Variants in ASS1 observed in about 807,000 individuals in gnomAD.
The protein encoded by ASS1 is argininosuccinate synthase.
A neutral mutation model predicts 60.5 loss-of-function variants in ASS1; 58 were observed. The observed-to-expected ratio is 0.96, with a 90% confidence interval of 0.78 to 1.19. The LOEUF (loss-of-function observed/expected upper bound fraction) is 1.19, where lower values mean the gene tolerates loss of function less well. ASS1 is among the 50% of genes most tolerant of loss of function. The pLI is 0.00. For missense variants in ASS1, 454 were observed against 547.3 expected, an observed-to-expected ratio of 0.83 and a Z score of 1.70; for synonymous variants, 200 against 206.9, an observed-to-expected ratio of 0.97 and a Z score of 0.29.
intron 1 of ASS1, among the ~76,000 whole-genome samples, chr9:130,446,269 A>G (rs532269469): frequency 3.3e-5 from 5 of 152,296 alleles, no homozygotes; most frequent in East Asian, 1.9e-4. Flanking sequence ...CCTGGGTCCA[A>G]TTGCACAATA....
chr9:130,455,510 G>T (rs1281136626), intron 3 of ASS1, among the ~76,000 whole-genome samples: 1 of 152,078 alleles, frequency 6.6e-6, no homozygotes, highest in Non-Finnish European at 1.5e-5. Context: ...CCCCCTACCT[G>T]TCCTTCCCTC....
intron 13 of ASS1, among the ~76,000 whole-genome samples, chr9:130,495,444 C>CATATATAT (rs142565065): frequency 7.9e-5 from 11 of 139,744 alleles, no homozygotes; most frequent in African/African-American, 2.3e-4. Context: ...CACACACATA[C>CATATATAT]ATATATATAT....
At chr9:130,445,765 CTGT>C (rs997528002) in intron 1 of ASS1, among the ~76,000 whole-genome samples, 3 of 152,150 alleles carry the variant, frequency 2.0e-5, no homozygotes, top group African/African-American at 7.2e-5. Flanking sequence ...GCGGCCAGGG[CTGT>C]TCCTGAGGAG....
intron 1 of ASS1, among the ~76,000 whole-genome samples, chr9:130,446,580 C>T (rs777849666): frequency 2.0e-5 from 3 of 152,332 alleles, no homozygotes; most frequent in Non-Finnish European, 4.4e-5. Context: ...GCAGACACGT[C>T]GTGAGAGGGA....
Position 130,470,112 on chromosome 9 carries a change from ATCT to A in ASS1, c.496-716_496-714del, listed in dbSNP as rs200736070. ...GCGGGTCCCCAGGGCGACAAGCCTC[ATCT>A]TCTTCCTCCTCTTAAGGCTGAGTCA... On this transcript the variant is annotated intron_variant, in intron 6 of 14. Transcript: ENST00000352480. This position sits in a 1 kb window ranked among gnomAD's most constrained non-coding sequence, Gnocchi z 4.3. 9.7e-3 allele frequency among the ~76,000 whole-genome samples: 1,483 copies of A among 152,276 alleles called. 16 individuals carry two copies. Among genetic ancestry groups the A allele is most frequent in the African/African-American group, 0.033 (1,388 of 41,546 alleles).
intron 5 of ASS1, 131 bp from the exon 6 acceptor site, chr9:130,466,594 C>T (rs1845748546): frequency 1.2e-6 from 1 of 849,798 alleles, no homozygotes; most frequent in Admixed American, 2.0e-5. Context: ...ACCCTCACAA[C>T]AGCATCCTCT....
intron 12 of ASS1, among the ~76,000 whole-genome samples, chr9:130,493,259 C>A (rs1477861715): frequency 6.6e-6 from 1 of 152,212 alleles, no homozygotes; most frequent in Non-Finnish European, 1.5e-5. Flanking sequence ...CTGGGCCTCT[C>A]TCCCTGTGTA....
chr9:130,452,351 G>A lies in ASS1; in HGVS notation c.105+18G>A. 6.2e-7 allele frequency: 1 copy of A among 1,606,216 alleles called. No homozygotes were observed. Among genetic ancestry groups the A allele is most frequent in the Non-Finnish European group, 8.5e-7 (1 of 1,172,850 alleles). On this transcript the variant is annotated intron_variant, in intron 2 of 14. Transcript: ENST00000352480. The stretch of plus-strand genomic sequence containing the variant: ...CCTATCTGGTGAGGGAGCGACCTGG[G>A]TGTCTGTCTTCCTGCGTGTCCTGCA...
In ASS1 at chr9:130,459,098, T is replaced by C. The variant is rs562235982; in HGVS notation, c.363+509T>C. ...TTCCCAGGGCGAGGGTAACAAAATG[T>C]CTCAAACTGGTGGCTTAGAACACAG... On this transcript the variant is annotated intron_variant, in intron 4 of 14. Transcript: ENST00000352480. The surrounding 1 kb of genome is among the most constrained non-coding windows in gnomAD (Gnocchi z 4.6). Among the ~76,000 whole-genome samples the C allele has an allele frequency of 6.6e-6, 1 of 152,162 alleles. No individual in the cohort carries two copies. Among genetic ancestry groups the C allele is most frequent in the Admixed American group, 6.5e-5 (1 of 15,288 alleles).
At chr9:130,472,833 G>C (rs1356649709) in intron 8 of ASS1, among the ~76,000 whole-genome samples, 1 of 152,192 alleles carries the variant, frequency 6.6e-6, no homozygotes, top group Non-Finnish European at 1.5e-5. Context: ...TCTCAGGCCC[G>C]TGGGCCCCAA....
At chr9:130,466,293 A>G (rs1588482922) in intron 5 of ASS1, among the ~76,000 whole-genome samples, 1 of 152,244 alleles carries the variant, frequency 6.6e-6, no homozygotes, top group African/African-American at 2.4e-5. Context: ...GGTGGGGGGC[A>G]GCCTATGCCT....
Position 130,452,267 on chromosome 9 carries a change from C to A in ASS1, c.39C>A (p.Gly13=), listed in dbSNP as rs769672308. The change falls in exon 2 of 15, where the codon GGC becomes GGA. Residue 13 remains glycine (G), a synonymous_variant. Coordinates refer to ENST00000352480, the MANE Select transcript of ASS1 (RefSeq NM_054012.4). ...SKGSVVLAYS[G]GLDTSCILVW... ...GCTCCGTGGTTCTGGCCTACAGTGGCGGCCTGGACACCTCGTGCATCCTCG... is the reference window on the plus strand; with the variant it reads ...GCTCCGTGGTTCTGGCCTACAGTGGAGGCCTGGACACCTCGTGCATCCTCG... 1 of 1,614,174 alleles carries A rather than the reference C, an allele frequency of 6.2e-7. No individual in the cohort carries two copies. Among genetic ancestry groups the A allele is most frequent in the East Asian group, 2.2e-5 (1 of 44,876 alleles).
intron 2 of ASS1, among the ~76,000 whole-genome samples, chr9:130,453,782 C>A (rs1341844848): frequency 6.6e-6 from 1 of 152,162 alleles, no homozygotes; most frequent in Admixed American, 6.5e-5. Flanking sequence ...GGCTGTCAGA[C>A]CCCGAGGTCA....
In ASS1 at chr9:130,470,792, T is replaced by G. The variant is rs762220508; in HGVS notation, c.496-42T>G. On this transcript the variant is annotated intron_variant, in intron 6 of 14. Coordinates refer to ENST00000352480, the MANE Select transcript of ASS1 (RefSeq NM_054012.4). The surrounding 1 kb of genome is among the most constrained non-coding windows in gnomAD (Gnocchi z 4.3). ...CCCTGGGACGGACCTCACGCGTCCT[T>G]CCAGCCGCCTTACCTCCACCTGTGC... 6.2e-7 allele frequency: 1 copy of G among 1,601,472 alleles called. No individual in the cohort carries two copies. The highest frequency in any genetic ancestry group is 1.7e-5 in the Admixed American group (1 of 59,988).
At chr9:130,469,691 C>T (rs1935934250) in intron 6 of ASS1, among the ~76,000 whole-genome samples, 1 of 152,216 alleles carries the variant, frequency 6.6e-6, no homozygotes, top group Non-Finnish European at 1.5e-5. Flanking sequence ...TAAAATGAGT[C>T]TCCTGGCTTT....
chr9:130,494,734 C>A lies in ASS1; in HGVS notation c.971-133C>A. ...CAGCCACTGGCAAGCGCACATTGTGCCAGTCTCGCGGGAGGCAGTCATGGT... is the reference window on the plus strand; with the variant it reads ...CAGCCACTGGCAAGCGCACATTGTGACAGTCTCGCGGGAGGCAGTCATGGT... On this transcript the variant is annotated intron_variant, in intron 12 of 14. Coordinates refer to ENST00000352480, the MANE Select transcript of ASS1 (RefSeq NM_054012.4). This position sits in a 1 kb window ranked among gnomAD's most constrained non-coding sequence, Gnocchi z 4.3. 1.7e-6 allele frequency: 2 copies of A among 1,182,754 alleles called. No individual in the cohort carries two copies. The highest frequency in any genetic ancestry group is 2.5e-6 in the Non-Finnish European group (2 of 812,794). 73.3% of individuals were successfully genotyped at this position (1,182,754 alleles called of 1,614,324 possible).
intron 8 of ASS1, among the ~76,000 whole-genome samples, chr9:130,473,488 GGC>G (rs1845924287): frequency 4.8e-4 from 5 of 10,372 alleles, no homozygotes; most frequent in Non-Finnish European, 8.8e-4. Flanking sequence ...GTCCCACCCA[GGC>G]ACCCAGAGTC....
rs547616396 is a variant in ASS1 at position 130,491,302 on chromosome 9, C to G, written c.970+1838C>G. Among the ~76,000 whole-genome samples the G allele has an allele frequency of 6.6e-6, 1 of 151,950 alleles. No individual in the cohort carries two copies. The highest frequency in any genetic ancestry group is 1.5e-5 in the Non-Finnish European group (1 of 67,978). ...AAGTGAGAGAGTCATTAAGACGTGG[C>G]GGAGGAGAGAGCACCTGGCCGGGCT... On this transcript the variant is annotated intron_variant, in intron 12 of 14. Transcript: ENST00000352480. This position sits in a 1 kb window ranked among gnomAD's most constrained non-coding sequence, Gnocchi z 5.3.
At position 130,494,804 on chromosome 9, in the gene ASS1, G is replaced by T. The variant is rs1303014301; in HGVS notation, c.971-63G>T. 1.9e-6 allele frequency: 3 copies of T among 1,598,708 alleles called. No individual in the cohort carries two copies. The African/African-American group carries it at 4.0e-5, about 21-fold the overall frequency. ...ATGGGGCACCCTTCCTGTGCCCCAG[G>T]TCTCCCTGTGTCCTCGCGGTGCAGG... On this transcript the variant is annotated intron_variant, in intron 12 of 14. Coordinates refer to ENST00000352480, the MANE Select transcript of ASS1 (RefSeq NM_054012.4). The surrounding 1 kb of genome is among the most constrained non-coding windows in gnomAD (Gnocchi z 4.3).
Sources: allele counts gnomAD v4.1 joint callset (sites outside exome capture counted in the v4.1 genomes callset), GRCh38; gene constraint gnomAD v4.1.1; non-coding constraint Gnocchi (gnomAD v3.1); transcripts MANE v1.5; gene names NCBI Gene and HGNC (gene_info 2026-07-23, HGNC 2026-07-21).